The following LRRC8C variants were observed in gnomAD, a reference collection of about 807,000 sequenced individuals.
LRRC8C encodes volume-regulated anion channel subunit LRRC8C.
A neutral mutation model predicts 55.3 loss-of-function variants in LRRC8C; 20 were observed. That is an observed-to-expected ratio of 0.36 (90% CI 0.25 to 0.53). LRRC8C has a LOEUF of 0.53. Among genes scored for constraint, LRRC8C ranks in the 20% least tolerant of loss-of-function variants. LRRC8C has a pLI of 0.92. For synonymous variants in LRRC8C, 376 were observed against 360.7 expected (o/e 1.04, Z -0.48); for missense variants, 659 against 951.4 (o/e 0.69, Z 4.04).
rs115805621 is a variant in LRRC8C at position 89,659,244 on chromosome 1, G to A, written c.-5+25922G>A. ...AGTTTTTATGAAACACTTCTGTAAA[G>A]GAAAATACCCTTTCCTCCTAACTAA... On this transcript the variant is annotated intron_variant, in intron 1 of 2. Coordinates refer to ENST00000370454, the MANE Select transcript of LRRC8C (RefSeq NM_032270.5). 3.7e-3 allele frequency among the ~76,000 whole-genome samples: 567 copies of A among 152,062 alleles called. 4 individuals are homozygous for A. The highest frequency in any genetic ancestry group is 4.0e-3 in the Non-Finnish European group (271 of 67,986).
At chr1:89,626,939 A>G in the LRRC8C span, 1 of 150,910 alleles carries the variant, frequency 6.6e-6, no homozygotes, top group African/African-American at 2.5e-5. Flanking sequence ...GTGGGGCTGA[A>G]AATTCCAACC....
Position 89,714,887 on chromosome 1 carries a change from G to C in LRRC8C, c.2317G>C (p.Asp773His), listed in dbSNP as rs1177701870. The change falls in exon 3 of 3, where the codon GAC becomes CAC. Residue 773 changes from aspartate to histidine, a missense_variant. This residue lies in a region of LRRC8C where 344 missense variants were observed against 464.6 expected (regional missense o/e 0.74). Coordinates refer to ENST00000370454, the MANE Select transcript of LRRC8C (RefSeq NM_032270.5). This position sits in a 1 kb window ranked among gnomAD's most constrained non-coding sequence, Gnocchi z 4.6. Reference protein sequence around the residue: ...HFEILPPELGDCRALKRAGLV... With the variant: ...HFEILPPELGHCRALKRAGLV... The stretch of plus-strand genomic sequence containing the variant: ...TGAAATCCTCCCTCCTGAACTGGGT[G>C]ACTGTCGGGCTCTGAAGCGAGCTGG... 6.2e-6 allele frequency: 10 copies of C among 1,614,040 alleles called. No individual in the cohort carries two copies. Among genetic ancestry groups the C allele is most frequent in the Non-Finnish European group, 6.8e-6 (8 of 1,180,024 alleles).
At chr1:89,677,334 C>T (rs775826704) in intron 1 of LRRC8C, among the ~76,000 whole-genome samples, 5 of 152,178 alleles carry the variant, frequency 3.3e-5, no homozygotes, top group Non-Finnish European at 7.4e-5. Context: ...CCGCTTACCT[C>T]TTAAGATTCC....
intron 1 of LRRC8C, among the ~76,000 whole-genome samples, chr1:89,680,179 A>G (rs1282952511): frequency 1.3e-5 from 2 of 151,176 alleles, no homozygotes. Flanking sequence ...CTGGGTTCAC[A>G]CCATTCTCCT....
At chr1:89,643,507 T>G (rs1050477181) in intron 1 of LRRC8C, among the ~76,000 whole-genome samples, 1 of 152,248 alleles carries the variant, frequency 6.6e-6, no homozygotes, top group Non-Finnish European at 1.5e-5. Flanking sequence ...CCTATTTATG[T>G]CACATTTTAT....
Position 89,712,876 on chromosome 1 carries a change from T to A in LRRC8C, c.306T>A (p.Asp102Glu). Residue 102 changes from aspartate to glutamate, a missense_variant, in exon 3 of 3, where the codon GAT (aspartate) becomes GAA (glutamate). This residue lies in a region of LRRC8C where 82 missense variants were observed against 71.4 expected (regional missense o/e 1.15). Coordinates refer to ENST00000370454, the MANE Select transcript of LRRC8C (RefSeq NM_032270.5). The stretch of plus-strand genomic sequence containing the variant: ...TGGAAATGAAAGGCCTGAAGACAGA[T>A]TTGGACCTTCAGCAGTACAGCTTTA... ...ITVEMKGLKTDLDLQQYSFIN... is the reference protein window; with the variant it reads ...ITVEMKGLKTELDLQQYSFIN... 6.2e-7 allele frequency: 1 copy of A among 1,614,182 alleles called. No individual in the cohort carries two copies. The highest frequency in any genetic ancestry group is 8.5e-7 in the Non-Finnish European group (1 of 1,180,036).
intron 1 of LRRC8C, among the ~76,000 whole-genome samples, chr1:89,657,026 G>A (rs191292525): frequency 1.4e-4 from 21 of 152,264 alleles, no homozygotes; most frequent in Non-Finnish European, 2.1e-4. Context: ...TCAAACCTAC[G>A]TCTTTCTGGC....
intron 2 of LRRC8C, among the ~76,000 whole-genome samples, chr1:89,705,990 G>A (rs1658470837): frequency 6.6e-6 from 1 of 152,092 alleles, no homozygotes. Flanking sequence ...CTTATAAAGT[G>A]ATCCCAATAA....
chr1:89,666,716 T>G (rs1302248315), intron 1 of LRRC8C, among the ~76,000 whole-genome samples: 2 of 152,180 alleles, frequency 1.3e-5, no homozygotes, highest in Non-Finnish European at 2.9e-5. Flanking sequence ...TGTTATTCAT[T>G]TTAATAACTG....
chr1:89,675,220 C>T (rs570614458), intron 1 of LRRC8C, among the ~76,000 whole-genome samples: 1 of 152,226 alleles, frequency 6.6e-6, no homozygotes, highest in Admixed American at 6.5e-5. Context: ...AACAAAAAAC[C>T]TTTTTTTGAG....
At chr1:89,704,487 G>T (rs1658416820) in intron 2 of LRRC8C, among the ~76,000 whole-genome samples, 1 of 152,012 alleles carries the variant, frequency 6.6e-6, no homozygotes, top group African/African-American at 2.4e-5. Context: ...CAAGGTGCAG[G>T]AACAATACAT....
At chr1:89,664,413 T>A (rs1657201165) in intron 1 of LRRC8C, among the ~76,000 whole-genome samples, 1 of 152,168 alleles carries the variant, frequency 6.6e-6, no homozygotes, top group South Asian at 2.1e-4. Context: ...TTTCCCCATT[T>A]CTTATTTTTG....
intron 1 of LRRC8C, among the ~76,000 whole-genome samples, chr1:89,657,406 C>T (rs768374167): frequency 1.3e-5 from 2 of 152,046 alleles, no homozygotes; most frequent in South Asian, 2.1e-4. Context: ...GTTTGCCTAA[C>T]GTGGTAGTGG....
upstream of LRRC8C, among the ~76,000 whole-genome samples, chr1:89,628,219 G>A (rs1656023541): frequency 6.6e-6 from 1 of 151,988 alleles, no homozygotes; most frequent in South Asian, 2.1e-4. Flanking sequence ...CCTTGGTACT[G>A]TAGGGAGCAA....
Position 89,642,498 on chromosome 1 carries a change from T to G in LRRC8C, c.-5+9176T>G, listed in dbSNP as rs561437113. Reference sequence around the variant, plus strand: ...GGGAGGCCTAGGTAAGCGGATCACCTGAGGTCAGGAGTTCGAGACCAGCCT... The same window carrying G: ...GGGAGGCCTAGGTAAGCGGATCACCGGAGGTCAGGAGTTCGAGACCAGCCT... On this transcript the variant is annotated intron_variant, in intron 1 of 2. Coordinates refer to ENST00000370454, the MANE Select transcript of LRRC8C (RefSeq NM_032270.5). 2.1e-4 allele frequency among the ~76,000 whole-genome samples: 32 copies of G among 152,112 alleles called. No homozygotes were observed. In the South Asian group the frequency reaches 6.2e-3, roughly 30 times the overall value.
the LRRC8C span, among the ~76,000 whole-genome samples, chr1:89,626,109 A>G: frequency 2.0e-5 from 3 of 152,240 alleles, no homozygotes; most frequent in Non-Finnish European, 2.9e-5. Flanking sequence ...AACTTTTTAG[A>G]ACAGTAGCTG....
At chr1:89,624,119 T>A in the LRRC8C span, among the ~76,000 whole-genome samples, 2 of 152,180 alleles carry the variant, frequency 1.3e-5, no homozygotes, top group Admixed American at 1.3e-4. Flanking sequence ...GTGGATTGTG[T>A]TATAGGAGAG....
At chr1:89,688,719 C>A (rs147183385) in intron 2 of LRRC8C, among the ~76,000 whole-genome samples, 2 of 152,122 alleles carry the variant, frequency 1.3e-5, no homozygotes, top group African/African-American at 4.8e-5. Flanking sequence ...TTGGTTTCCC[C>A]GGAGACCTGA....
chr1:89,646,697 T>G (rs983167427), intron 1 of LRRC8C, among the ~76,000 whole-genome samples: 1 of 152,116 alleles, frequency 6.6e-6, no homozygotes, highest in African/African-American at 2.4e-5. Flanking sequence ...AGATCAGAAC[T>G]AAGCAATTAT....
Sources: allele counts gnomAD v4.1 joint callset (sites outside exome capture counted in the v4.1 genomes callset), GRCh38; gene constraint gnomAD v4.1.1; regional missense constraint gnomAD v4.1.1; non-coding constraint Gnocchi (gnomAD v3.1); transcripts MANE v1.5; gene names NCBI Gene and HGNC (gene_info 2026-07-23, HGNC 2026-07-21).